The following GNB1L variants were observed in gnomAD, a reference collection of about 807,000 sequenced individuals.
GNB1L encodes the protein guanine nucleotide-binding protein subunit beta-like protein 1.
Under a neutral mutation model 29.1 loss-of-function variants are expected in GNB1L, and 20 were observed. The observed-to-expected ratio is 0.69, with a 90% CI of 0.48 to 1.00. The LOEUF is 1.00. GNB1L is among the 50% of genes least tolerant of loss of function. The pLI is 0.00. For missense variants in GNB1L, 421 were observed against 464.9 expected, an observed-to-expected ratio of 0.91 and a Z score of 0.87; for synonymous variants, 193 against 206.5, an observed-to-expected ratio of 0.93 and a Z score of 0.56.
chr22:19,844,241 C>G (rs1031591142), intron 2 of GNB1L, among the ~76,000 whole-genome samples: 1 of 152,216 alleles, frequency 6.6e-6, no homozygotes, highest in Non-Finnish European at 1.5e-5. Context: ...TGGCGTGATT[C>G]GTTCCCGAGC....
chr22:19,853,431 G>T (rs1938157393), intron 2 of GNB1L, among the ~76,000 whole-genome samples: 2 of 152,178 alleles, frequency 1.3e-5, no homozygotes, highest in Non-Finnish European at 2.9e-5. Flanking sequence ...ACACTCTGCA[G>T]CCTAACTCTA....
At chr22:19,795,130 C>T (rs1000634038) in intron 7 of GNB1L, among the ~76,000 whole-genome samples, 1 of 152,180 alleles carries the variant, frequency 6.6e-6, no homozygotes, top group Non-Finnish European at 1.5e-5. Context: ...TCAGACAAAG[C>T]CAACTTCAAG....
At chr22:19,796,547 GGAA>G (rs1937308390) in intron 7 of GNB1L, among the ~76,000 whole-genome samples, 1 of 151,966 alleles carries the variant, frequency 6.6e-6, no homozygotes, top group Non-Finnish European at 1.5e-5. Context: ...AAATAACTGG[GGAA>G]AAAAATCAAA....
chr22:19,841,659 C>T (rs1937863294), intron 2 of GNB1L, among the ~76,000 whole-genome samples: 1 of 152,180 alleles, frequency 6.6e-6, no homozygotes, highest in African/African-American at 2.4e-5. Flanking sequence ...ACAAAACAGA[C>T]TTAATGTCAA....
intron 7 of GNB1L, among the ~76,000 whole-genome samples, chr22:19,796,665 G>T (rs901885053): frequency 6.6e-6 from 1 of 152,186 alleles, no homozygotes; most frequent in African/African-American, 2.4e-5. Context: ...TAATAAAAAT[G>T]GGGTCTGCCT....
intron 2 of GNB1L, among the ~76,000 whole-genome samples, chr22:19,831,297 G>A (rs910697264): frequency 6.7e-6 from 1 of 150,234 alleles, no homozygotes; most frequent in African/African-American, 2.5e-5. Context: ...CCCAGGAGGC[G>A]AAAGTTGCAG....
chr22:19,840,888 C>G, intron 2 of GNB1L, among the ~76,000 whole-genome samples: 1 of 152,166 alleles, frequency 6.6e-6, no homozygotes, highest in African/African-American at 2.4e-5. Context: ...TTCCCAAAAC[C>G]CTTAAGCTCA....
intron 2 of GNB1L, among the ~76,000 whole-genome samples, chr22:19,842,921 C>T (rs957712230): frequency 6.6e-6 from 1 of 152,234 alleles, no homozygotes; most frequent in Non-Finnish European, 1.5e-5. Context: ...CTGTCCTGAG[C>T]ACGGGAAACA....
chr22:19,804,973 G>A (rs1383508202), intron 6 of GNB1L, among the ~76,000 whole-genome samples: 1 of 152,226 alleles, frequency 6.6e-6, no homozygotes, highest in South Asian at 2.1e-4. Context: ...TGCAGCCTTG[G>A]GGGGCGTTTT....
intron 7 of GNB1L, among the ~76,000 whole-genome samples, chr22:19,797,071 A>C (rs1937314695): frequency 1.3e-5 from 2 of 152,244 alleles, no homozygotes; most frequent in African/African-American, 4.8e-5. Flanking sequence ...GGAAACCTAA[A>C]TTAGTCCACA....
chr22:19,826,665 C>A (rs1017236482), intron 2 of GNB1L, among the ~76,000 whole-genome samples: 2 of 152,176 alleles, frequency 1.3e-5, no homozygotes, highest in African/African-American at 4.8e-5. Flanking sequence ...GTATTACTCT[C>A]CAAACTGTTT....
chr22:19,846,503 A>G (rs1052978), intron 2 of GNB1L: 251,273 of 984,966 alleles, frequency 0.26, 35,899 homozygotes, highest in African/African-American at 0.59. Flanking sequence ...TGGAGACCAC[A>G]GAAGCCTGCC....
At chr22:19,813,627 G>A (rs1327229839) in intron 4 of GNB1L, among the ~76,000 whole-genome samples, 1 of 152,222 alleles carries the variant, frequency 6.6e-6, no homozygotes, top group Non-Finnish European at 1.5e-5. Flanking sequence ...GGCAGAGGTT[G>A]TGGTGAGCCA....
At chr22:19,820,773 A>G (rs745514816) in intron 3 of GNB1L, 50 bp from the exon 4 acceptor site, 1 of 1,577,276 alleles carries the variant, frequency 6.3e-7, no homozygotes, top group South Asian at 1.1e-5. Context: ...GGGTGTGCTG[A>G]ATGCTCTGGG....
chr22:19,792,416 C>G, intron 7 of GNB1L: 2 of 1,543,502 alleles, frequency 1.3e-6, no homozygotes, highest in South Asian at 1.1e-5. Context: ...ATTTTGGCAT[C>G]GGACAGGACA....
chr22:19,835,384 AAAAAC>A (rs1291017173), intron 2 of GNB1L, among the ~76,000 whole-genome samples: 19 of 149,908 alleles, frequency 1.3e-4, no homozygotes, highest in African/African-American at 2.2e-4. Context: ...AAAAAAAAAA[AAAAAC>A]AAACAAACAA....
intron 2 of GNB1L, among the ~76,000 whole-genome samples, chr22:19,842,543 G>A (rs913504700): frequency 1.3e-5 from 2 of 152,214 alleles, no homozygotes; most frequent in Non-Finnish European, 2.9e-5. Context: ...GCCCCCAAGA[G>A]GTGGTCCTGC....
intron 7 of GNB1L, 69 bp downstream of exon 7, chr22:19,801,932 T>C: frequency 7.8e-7 from 1 of 1,283,826 alleles, no homozygotes; most frequent in East Asian, 2.5e-5. Flanking sequence ...CATGCCTAAA[T>C]ATTGTTTCAG....
intron 7 of GNB1L, chr22:19,792,200 A>C: frequency 1.7e-6 from 1 of 591,360 alleles, no homozygotes; most frequent in Non-Finnish European, 3.0e-6. Context: ...CTGACCCCAA[A>C]ATGGCAGAGA....
Sources: allele counts gnomAD v4.1 joint callset (sites outside exome capture counted in the v4.1 genomes callset), GRCh38; gene constraint gnomAD v4.1.1; transcripts MANE v1.5; gene names NCBI Gene and HGNC (gene_info 2026-07-23, HGNC 2026-07-21).